CSMD1: variants seen among roughly 807,000 people sequenced by gnomAD.
CSMD1 encodes the protein CUB and sushi domain-containing protein 1.
Under a neutral mutation model 417.5 loss-of-function variants are expected in CSMD1, and 213 were observed. The observed-to-expected ratio is 0.51, with a 90% CI of 0.46 to 0.57. The LOEUF (loss-of-function observed/expected upper bound fraction) is 0.57, where lower values mean the gene tolerates loss of function less well. Among genes scored for constraint, CSMD1 ranks in the 20% least tolerant of loss-of-function variants. The pLI is 0.00. For missense variants in CSMD1, 6,923 were observed against 4,529.7 expected (o/e 1.53, Z -15.17); for synonymous variants, 2,862 against 1,736.8 (o/e 1.65, Z -16.11).
At chr8:4,426,879 G>A (rs1472779551) in intron 2 of CSMD1, among the ~76,000 whole-genome samples, 4 of 151,710 alleles carry the variant, frequency 2.6e-5, no homozygotes, top group African/African-American at 4.8e-5. Context: ...GTGGGAAGGG[G>A]TATTAGTATC....
intron 3 of CSMD1, among the ~76,000 whole-genome samples, chr8:4,399,184 G>A (rs1804471312): frequency 6.6e-6 from 1 of 152,080 alleles, no homozygotes; most frequent in Non-Finnish European, 1.5e-5. Flanking sequence ...AAATAAAGAT[G>A]ATCCTAGCCT....
intron 1 of CSMD1, among the ~76,000 whole-genome samples, chr8:4,934,007 T>TAAAAA (rs1004757937): frequency 0.015 from 2,287 of 150,656 alleles, 42 homozygotes; most frequent in African/African-American, 0.038. Context: ...GCTTTTTTTT[T>TAAAAA]AAAAAAAAAT....
intron 6 of CSMD1, among the ~76,000 whole-genome samples, chr8:3,742,266 G>A (rs1333244547): frequency 6.6e-6 from 1 of 152,248 alleles, no homozygotes; most frequent in Admixed American, 6.5e-5. Flanking sequence ...TTACTCCTAA[G>A]ATTTCAGGTA....
chr8:4,408,531 A>C (rs546538237), intron 3 of CSMD1, among the ~76,000 whole-genome samples: 19 of 152,324 alleles, frequency 1.2e-4, no homozygotes, highest in Admixed American at 3.3e-4. Flanking sequence ...CTTGGACATA[A>C]AGATTTTCCT....
At chr8:3,895,438 A>C (rs1472505790) in intron 5 of CSMD1, among the ~76,000 whole-genome samples, 1 of 152,150 alleles carries the variant, frequency 6.6e-6, no homozygotes, top group Non-Finnish European at 1.5e-5. Context: ...AACAGTGTCA[A>C]TCCACAATGT....
At chr8:4,441,095 G>GTTTTTTGTTTTTTTTTTT (rs1554478144) in intron 2 of CSMD1, among the ~76,000 whole-genome samples, 1 of 51,296 alleles carries the variant, frequency 1.9e-5, no homozygotes, top group Non-Finnish European at 3.6e-5. Context: ...TAATCAAAAG[G>GTTTTTTGTTTTTTTTTTT]TTTTTTTTTT....
intron 3 of CSMD1, among the ~76,000 whole-genome samples, chr8:4,389,570 G>C (rs959393483): frequency 2.0e-5 from 3 of 152,088 alleles, no homozygotes; most frequent in Non-Finnish European, 2.9e-5. Context: ...AAAAGAACAA[G>C]AGATGTTTAA....
At chr8:4,495,100 C>T (rs1563231624) in intron 2 of CSMD1, among the ~76,000 whole-genome samples, 1 of 152,044 alleles carries the variant, frequency 6.6e-6, no homozygotes, top group Non-Finnish European at 1.5e-5. Context: ...ATTCACCCTG[C>T]TTCTAAAACA....
chr8:4,387,937 A>G (rs1803566465), intron 3 of CSMD1, among the ~76,000 whole-genome samples: 1 of 152,140 alleles, frequency 6.6e-6, no homozygotes, highest in Non-Finnish European at 1.5e-5. Context: ...AGTAACAACA[A>G]AGGATTTCAT....
intron 49 of CSMD1, among the ~76,000 whole-genome samples, chr8:3,056,196 A>T (rs762121189): frequency 6.6e-6 from 1 of 152,232 alleles, no homozygotes; most frequent in South Asian, 2.1e-4. Flanking sequence ...CTTCACTTAC[A>T]TATCTCATGA....
intron 4 of CSMD1, among the ~76,000 whole-genome samples, chr8:4,021,474 G>T (rs191930765): frequency 1.3e-5 from 2 of 152,192 alleles, no homozygotes; most frequent in Admixed American, 6.5e-5. Context: ...GGTTAAGCGT[G>T]TGGCAGTTGA....
At chr8:3,644,524 G>A (rs1235920858) in intron 7 of CSMD1, among the ~76,000 whole-genome samples, 1 of 152,292 alleles carries the variant, frequency 6.6e-6, no homozygotes, top group East Asian at 1.9e-4. Flanking sequence ...TGGGGAAGAT[G>A]ATGAAAGAGG....
At chr8:3,639,888 T>G (rs1797222995) in intron 7 of CSMD1, among the ~76,000 whole-genome samples, 1 of 152,256 alleles carries the variant, frequency 6.6e-6, no homozygotes, top group African/African-American at 2.4e-5. Flanking sequence ...TCAGAGAATA[T>G]TTGTTATCTT....
intron 3 of CSMD1, among the ~76,000 whole-genome samples, chr8:4,313,658 T>C (rs925134780): frequency 2.4e-4 from 37 of 152,222 alleles, no homozygotes; most frequent in African/African-American, 8.9e-4. Flanking sequence ...AAATTCACTT[T>C]AGAGAGGGAA....
intron 25 of CSMD1, among the ~76,000 whole-genome samples, chr8:3,294,203 C>T (rs926774929): frequency 1.3e-5 from 2 of 150,246 alleles, no homozygotes; most frequent in Non-Finnish European, 3.0e-5. Flanking sequence ...TCTCAGAGTA[C>T]CAGGCCGTGT....
chr8:3,206,454 T>C (rs1438745005), intron 30 of CSMD1, among the ~76,000 whole-genome samples: 41 of 29,418 alleles, frequency 1.4e-3, no homozygotes, highest in Non-Finnish European at 2.2e-3. Context: ...TGTGTGTATG[T>C]GTGTGTGGGG....
intron 1 of CSMD1, among the ~76,000 whole-genome samples, chr8:4,972,061 G>T (rs1427947332): frequency 6.6e-6 from 1 of 152,024 alleles, no homozygotes; most frequent in East Asian, 1.9e-4. Context: ...AGGTGAAGAG[G>T]TAAGCGATAC....
intron 5 of CSMD1, among the ~76,000 whole-genome samples, chr8:3,894,825 A>G (rs888815640): frequency 6.6e-6 from 1 of 152,186 alleles, no homozygotes; most frequent in Admixed American, 6.5e-5. Flanking sequence ...AAATTCACTG[A>G]CAAGGGTTTG....
chr8:3,067,810 A>G (rs1193699109), intron 49 of CSMD1, among the ~76,000 whole-genome samples: 3 of 151,936 alleles, frequency 2.0e-5, no homozygotes, highest in African/African-American at 7.3e-5. Context: ...ATGTGCTGTA[A>G]TTACCTAATT....
Sources: allele counts gnomAD v4.1 joint callset (sites outside exome capture counted in the v4.1 genomes callset), GRCh38; gene constraint gnomAD v4.1.1; transcripts MANE v1.5; gene names NCBI Gene and HGNC (gene_info 2026-07-23, HGNC 2026-07-21).